Variants in CERK observed in about 807,000 individuals in gnomAD.
The protein encoded by CERK is ceramide kinase, also known as acylsphingosine kinase.
CERK carries 39 observed loss-of-function variants against 63.4 expected under a neutral mutation model. The ratio of observed to expected loss-of-function variants is 0.61; its 90% CI spans 0.48 to 0.80. The LOEUF is 0.80. Ranked by LOEUF, CERK falls within the 30% of genes least tolerant of loss-of-function variation. CERK has a pLI of 0.00. For missense variants in CERK, 670 were observed against 714.1 expected (o/e 0.94, Z 0.70); for synonymous variants, 302 against 280.0 (o/e 1.08, Z -0.78).
At chr22:46,706,628 T>A (rs135694) in intron 6 of CERK, among the ~76,000 whole-genome samples, 40,988 of 152,124 alleles carry the variant, frequency 0.27, 5,693 homozygotes, top group Middle Eastern at 0.48. Flanking sequence ...TCCTCTCTAT[T>A]AATAACTGCA....
At chr22:46,712,342 C>G in intron 3 of CERK, 49 bp from the exon 4 acceptor site, 1 of 1,584,418 alleles carries the variant, frequency 6.3e-7, no homozygotes. Flanking sequence ...AAAATCAAAA[C>G]GAAGAGCTCT....
intron 1 of CERK, among the ~76,000 whole-genome samples, chr22:46,724,498 C>T (rs539614282): frequency 1.2e-4 from 19 of 152,204 alleles, no homozygotes; most frequent in African/African-American, 4.3e-4. Flanking sequence ...GTGGTGCGGC[C>T]ATGGTGGGAA....
intron 1 of CERK, among the ~76,000 whole-genome samples, chr22:46,723,936 G>C (rs1382068458): frequency 6.6e-6 from 1 of 152,126 alleles, no homozygotes; most frequent in Non-Finnish European, 1.5e-5. Flanking sequence ...GACCTCAGGT[G>C]ATCTGCCCGC....
intron 8 of CERK, among the ~76,000 whole-genome samples, chr22:46,698,171 G>T (rs187316206): frequency 6.6e-6 from 1 of 152,378 alleles, no homozygotes; most frequent in East Asian, 1.9e-4. Flanking sequence ...CAACCTCTTT[G>T]TGCCTGTTTT....
At chr22:46,728,204 C>T (rs1308621236) in intron 1 of CERK, among the ~76,000 whole-genome samples, 2 of 152,122 alleles carry the variant, frequency 1.3e-5, no homozygotes, top group Non-Finnish European at 2.9e-5. Flanking sequence ...TCGCGGGAAA[C>T]CTGCATCAGC....
intron 1 of CERK, among the ~76,000 whole-genome samples, chr22:46,730,788 G>A (rs1417404943): frequency 6.6e-6 from 1 of 152,176 alleles, no homozygotes; most frequent in African/African-American, 2.4e-5. Flanking sequence ...AAAGACACAC[G>A]GCATCCCCCT....
At chr22:46,734,063 C>CATATATATATATATATATATAT (rs1429583176) in intron 1 of CERK, among the ~76,000 whole-genome samples, 1 of 100,768 alleles carries the variant, frequency 9.9e-6, no homozygotes, top group African/African-American at 3.4e-5. Context: ...TATATACATA[C>CATATATATATATATATATATAT]ATACATATAT....
chr22:46,692,197 C>T (rs371055160), intron 10 of CERK, among the ~76,000 whole-genome samples: 124 of 152,128 alleles, frequency 8.2e-4, no homozygotes, highest in African/African-American at 2.6e-3. Flanking sequence ...GAGGCCGAGG[C>T]GGGCAGATCA....
intron 3 of CERK, among the ~76,000 whole-genome samples, chr22:46,716,968 A>AAAGG (rs1294202986): frequency 1.3e-5 from 2 of 152,042 alleles, no homozygotes; most frequent in African/African-American, 2.4e-5. Context: ...AGAATGAAAG[A>AAAGG]AAGGAAGGAA....
chr22:46,703,312 C>A (rs1003256578), intron 6 of CERK, among the ~76,000 whole-genome samples: 1 of 152,162 alleles, frequency 6.6e-6, no homozygotes, highest in East Asian at 1.9e-4. Context: ...CAGCTCAACA[C>A]CCTCCAGATC....
chr22:46,701,693 A>G lies in CERK; in HGVS notation c.733T>C (p.Cys245Arg), dbSNP rs1245962105. ...TCGCTGGTGCCCACGGTGGAGTAAC[A>G]CACGCAGTCCGTTGACCCTGTAAAG... The part of the protein sequence containing the change: ...IIPAGSTDCV[C>R]YSTVGTSDAE... The change falls in exon 7 of 13, where the codon TGT (cysteine) becomes CGT (arginine). Residue 245 changes from cysteine to arginine, a missense_variant. Cys to Arg is a radical substitution (Grantham distance 180). Transcript: ENST00000216264. The G allele has an allele frequency of 6.4e-7, 1 of 1,557,616 alleles. No individual in the cohort carries two copies. Among genetic ancestry groups the G allele is most frequent in the Non-Finnish European group, 8.7e-7 (1 of 1,150,418 alleles).
At chr22:46,698,384 A>G (rs750622690) in intron 8 of CERK, among the ~76,000 whole-genome samples, 5 of 152,264 alleles carry the variant, frequency 3.3e-5, no homozygotes, top group African/African-American at 9.6e-5. Context: ...CAGGCCCGGC[A>G]TAGAGCAGGG....
At chr22:46,732,220 T>C (rs2082948881) in intron 1 of CERK, among the ~76,000 whole-genome samples, 1 of 152,056 alleles carries the variant, frequency 6.6e-6, no homozygotes, top group African/African-American at 2.4e-5. Flanking sequence ...AGCTGGAGCT[T>C]GTATGCGGGT....
At chr22:46,698,642 G>C (rs552202138) in intron 8 of CERK, among the ~76,000 whole-genome samples, 1 of 152,202 alleles carries the variant, frequency 6.6e-6, no homozygotes, top group South Asian at 2.1e-4. Context: ...TGTAATCCCA[G>C]CACTTTGGGA....
chr22:46,700,871 C>A lies in CERK; in HGVS notation c.790+765G>T, dbSNP rs143359044. Among the ~76,000 whole-genome samples the A allele has an allele frequency of 3.0e-3, 459 of 151,770 alleles. 4 individuals are homozygous for A. Among genetic ancestry groups the A allele is most frequent in the African/African-American group, 0.01 (429 of 41,392 alleles). Reference sequence around the variant, plus strand: ...TACTAAAAGTACAAAATGAACTGGACGTGGTGGCGCGAGCCTGTAATCCCA... The same window carrying A: ...TACTAAAAGTACAAAATGAACTGGAAGTGGTGGCGCGAGCCTGTAATCCCA... On this transcript the variant is annotated intron_variant, in intron 7 of 12. Transcript: ENST00000216264.
In CERK at chr22:46,699,384, C is replaced by T. The variant is rs2082772062; in HGVS notation, c.872G>A (p.Gly291Asp). 1 of 1,614,146 alleles carries T rather than the reference C, an allele frequency of 6.2e-7. No homozygotes were observed. The highest frequency in any genetic ancestry group is 8.5e-7 in the Non-Finnish European group (1 of 1,179,966). Reference sequence around the variant, plus strand: ...GTCCTTGATGATGTCCCCGTAGAAGCCGTAGCCCAGCAGGGACACGGAGTA... The same window carrying T: ...GTCCTTGATGATGTCCCCGTAGAAGTCGTAGCCCAGCAGGGACACGGAGTA... The part of the protein sequence containing the change: ...LRYSVSLLGY[G>D]FYGDIIKDSE... The change falls in exon 8 of 13, where the codon GGC becomes GAC. Residue 291 changes from glycine (G) to aspartate (D), a missense_variant. By Grantham distance (94) the Gly-to-Asp change is moderately conservative. Transcript: ENST00000216264.
intron 1 of CERK, among the ~76,000 whole-genome samples, chr22:46,724,781 A>G (rs2082909527): frequency 6.6e-6 from 1 of 152,018 alleles, no homozygotes; most frequent in Admixed American, 6.5e-5. Flanking sequence ...GCACTTTGGG[A>G]GGCTAAGGTG....
chr22:46,702,485 G>T (rs929504427), intron 6 of CERK, among the ~76,000 whole-genome samples: 9 of 152,090 alleles, frequency 5.9e-5, no homozygotes, highest in Admixed American at 5.9e-4. Flanking sequence ...TAGAGGCAGG[G>T]TTTCACCATG....
chr22:46,702,538 G>A (rs1020382901), intron 6 of CERK, among the ~76,000 whole-genome samples: 6 of 152,242 alleles, frequency 3.9e-5, no homozygotes, highest in East Asian at 3.9e-4. Context: ...TGATCCGCCC[G>A]CCTTGGCCTC....
Sources: allele counts gnomAD v4.1 joint callset (sites outside exome capture counted in the v4.1 genomes callset), GRCh38; gene constraint gnomAD v4.1.1; transcripts MANE v1.5; gene names NCBI Gene and HGNC (gene_info 2026-07-23, HGNC 2026-07-21).